Variants in RAB40C observed in about 807,000 individuals in gnomAD.
RAB40C encodes the protein ras-related protein Rab-40C.
Under a neutral mutation model 28.1 loss-of-function variants are expected in RAB40C, and 8 were observed. That is an observed-to-expected ratio of 0.28 (90% CI 0.17 to 0.51). The LOEUF (loss-of-function observed/expected upper bound fraction) is 0.51, where lower values mean the gene tolerates loss of function less well. RAB40C is among the 20% of genes least tolerant of loss of function. The pLI, the probability that RAB40C is intolerant of heterozygous loss-of-function variation, is 0.97. For synonymous variants in RAB40C, 201 were observed against 171.7 expected, an observed-to-expected ratio of 1.17 and a Z score of -1.34; for missense variants, 288 against 405.9, an observed-to-expected ratio of 0.71 and a Z score of 2.50.
intron 5 of RAB40C, 120 bp downstream of exon 5, chr16:626,241 G>A (rs911514101): frequency 1.7e-4 from 169 of 1,007,086 alleles, no homozygotes; most frequent in Non-Finnish European, 2.3e-4. Flanking sequence ...TTGGCAACGC[G>A]CAGTAGGGGC....
At chr16:618,298 G>C (rs1260946745) in intron 3 of RAB40C, 38 bp downstream of exon 3, 2 of 1,563,128 alleles carry the variant, frequency 1.3e-6, no homozygotes, top group South Asian at 1.2e-5. Context: ...CTTTTCAAAG[G>C]ATGTTTCTCC....
In RAB40C at chr16:590,119, G is replaced by A. The variant is rs2035957056; in HGVS notation, c.-173G>A. On this transcript the variant is annotated 5_prime_UTR_variant, in exon 1 of 6. Coordinates refer to ENST00000248139, the MANE Select transcript of RAB40C (RefSeq NM_021168.5). ...AGCGGCGGGGCGGCGGCGAGGCTGAGGTGCGCCCGGGCGCGGGCGGGGCGG... is the reference window on the plus strand; with the variant it reads ...AGCGGCGGGGCGGCGGCGAGGCTGAAGTGCGCCCGGGCGCGGGCGGGGCGG... 1.4e-5 allele frequency: 3 copies of A among 209,176 alleles called. No homozygotes were observed. Among genetic ancestry groups the A allele is most frequent in the African/African-American group, 4.8e-5 (2 of 41,752 alleles). 13.0% of individuals were successfully genotyped at this position (209,176 alleles called of 1,614,324 possible).
rs1239934283 is a variant in RAB40C, at chr16:617,271, G to A, written c.203+3G>A. 6.2e-7 allele frequency: 1 copy of A among 1,614,176 alleles called. No individual in the cohort carries two copies. The highest frequency in any genetic ancestry group is 1.7e-5 in the Admixed American group (1 of 60,032). ...CGGCGCGTGAAGCTGGAGCTCTGGT[G>A]AGTTGGGGCTGCGGCACTTCAGTTC... On this transcript the variant is annotated splice_donor_region_variant and intron_variant, in intron 2 of 5. Coordinates refer to ENST00000248139, the MANE Select transcript of RAB40C (RefSeq NM_021168.5).
At chr16:600,536 A>G (rs1366713090) in intron 1 of RAB40C, among the ~76,000 whole-genome samples, 1 of 152,194 alleles carries the variant, frequency 6.6e-6, no homozygotes, top group Non-Finnish European at 1.5e-5. Context: ...GCGGATCACA[A>G]GGTCAAGAGA....
At chr16:626,861 C>T (rs1342234043) in intron 5 of RAB40C, among the ~76,000 whole-genome samples, 10 of 152,228 alleles carry the variant, frequency 6.6e-5, no homozygotes, top group Admixed American at 6.5e-4. Flanking sequence ...TCGCTTGAAC[C>T]CAGGAGGCGG....
At chr16:600,735 G>C (rs904507719) in intron 1 of RAB40C, among the ~76,000 whole-genome samples, 2 of 152,236 alleles carry the variant, frequency 1.3e-5, no homozygotes, top group African/African-American at 4.8e-5. Context: ...CTGGGCGACA[G>C]AGTGAGACTC....
rs201108714 is a variant in RAB40C at position 617,175 on chromosome 16, C to T, written c.143-33C>T. ...TCGCGGGCGCTCGCTCCAGGAGTGG[C>T]GCGTCCCCTCAGCGCCCTGTGCTTC... On this transcript the variant is annotated intron_variant, in intron 1 of 5. Transcript: ENST00000248139. 179 of 1,610,900 alleles carry T rather than the reference C, an allele frequency of 1.1e-4. No individual in the cohort carries two copies. The African/African-American group carries it at 1.6e-3, about 14-fold the overall frequency.
At chr16:608,080 C>T (rs1217315975) in intron 1 of RAB40C, among the ~76,000 whole-genome samples, 4 of 152,138 alleles carry the variant, frequency 2.6e-5, no homozygotes, top group East Asian at 3.9e-4. Context: ...GGAAGAAATA[C>T]CCCAGACTGG....
chr16:599,672 T>C (rs35238369), intron 1 of RAB40C, among the ~76,000 whole-genome samples: 16,977 of 109,498 alleles, frequency 0.16, 3,370 homozygotes, highest in East Asian at 0.59. Flanking sequence ...TTTGTTCCCT[T>C]GTGGCATCAG....
chr16:594,148 C>T (rs1251774601), intron 1 of RAB40C, among the ~76,000 whole-genome samples: 1 of 152,218 alleles, frequency 6.6e-6, no homozygotes, highest in African/African-American at 2.4e-5. Flanking sequence ...CACCGTGTCC[C>T]CACAAACCTT....
intron 1 of RAB40C, among the ~76,000 whole-genome samples, chr16:597,621 G>T (rs766149225): frequency 6.6e-6 from 1 of 151,816 alleles, no homozygotes; most frequent in Non-Finnish European, 1.5e-5. Context: ...TGAGTAGCTG[G>T]GATTACAGGC....
rs533391327 is a variant in RAB40C, at chr16:590,567, C to G, written c.142+134C>G. 112 of 1,160,282 alleles carry G rather than the reference C, an allele frequency of 9.7e-5. 1 individual carries two copies. In the African/African-American group the frequency reaches 1.5e-3, roughly 16 times the overall value. 71.9% of individuals were successfully genotyped at this position (1,160,282 alleles called of 1,614,324 possible). A position where few individuals can be genotyped will look rare whatever the true frequency, so the allele number is the denominator to read the frequency against. ...GGAACGCCTTTGCCTGGCTTCCAGA[C>G]TCGGTAGCTCGGTGGCTGCGGGGTG... On this transcript the variant is annotated intron_variant, in intron 1 of 5. Coordinates refer to ENST00000248139, the MANE Select transcript of RAB40C (RefSeq NM_021168.5).
intron 1 of RAB40C, among the ~76,000 whole-genome samples, chr16:591,118 C>G (rs1052250532): frequency 1.4e-5 from 2 of 144,452 alleles, no homozygotes; most frequent in Non-Finnish European, 3.0e-5. Context: ...CATCTGGGGT[C>G]CGAGGGAAGG....
intron 1 of RAB40C, among the ~76,000 whole-genome samples, chr16:609,836 C>T (rs142413104): frequency 7.4e-4 from 112 of 152,282 alleles, no homozygotes; most frequent in South Asian, 6.4e-3. Context: ...CTGGCTGGCG[C>T]GGCTCAGGAT....
chr16:591,068 G>C (rs1188469312), intron 1 of RAB40C, among the ~76,000 whole-genome samples: 1 of 150,718 alleles, frequency 6.6e-6, no homozygotes, highest in African/African-American at 2.5e-5. Context: ...TCTGGGGGAA[G>C]GCATCATGGT....
chr16:608,460 C>T (rs2036412816), intron 1 of RAB40C, among the ~76,000 whole-genome samples: 1 of 152,224 alleles, frequency 6.6e-6, no homozygotes, highest in Non-Finnish European at 1.5e-5. Flanking sequence ...GGTGCTGTGC[C>T]AAACCTGGGA....
intron 1 of RAB40C, among the ~76,000 whole-genome samples, chr16:597,889 C>T (rs187925418): frequency 1.4e-5 from 2 of 140,106 alleles, no homozygotes; most frequent in East Asian, 4.4e-4. Context: ...GTGCTGGAGC[C>T]CAGGAGTTTG....
rs1333925847 is a variant in RAB40C at position 617,243 on chromosome 16, G to A, written c.178G>A (p.Gly60Ser). Residue 60 changes from glycine to serine, a missense_variant, in exon 2 of 6, where the codon GGC becomes AGC. Gly to Ser is a moderately conservative substitution (Grantham distance 56, BLOSUM62 0). Transcript: ENST00000248139. ...CAAGACCACCACCATCCTGCTGGAC[G>A]GCCGGCGCGTGAAGCTGGAGCTCTG... ...DYKTTTILLD[G>S]RRVKLELWDT... 1.9e-6 allele frequency: 3 copies of A among 1,614,130 alleles called. No individual in the cohort carries two copies. The highest frequency in any genetic ancestry group is 1.7e-5 in the Admixed American group (1 of 60,024).
chr16:614,157 C>T (rs1176257511), intron 1 of RAB40C, among the ~76,000 whole-genome samples: 7 of 136,504 alleles, frequency 5.1e-5, no homozygotes, highest in East Asian at 2.3e-4. Context: ...TGCTAACTAC[C>T]GCATCCCGAT....
Sources: allele counts gnomAD v4.1 joint callset (sites outside exome capture counted in the v4.1 genomes callset), GRCh38; gene constraint gnomAD v4.1.1; transcripts MANE v1.5; gene names NCBI Gene and HGNC (gene_info 2026-07-23, HGNC 2026-07-21).